ANKRD36: variants seen among roughly 807,000 people sequenced by gnomAD.
ANKRD36 encodes the protein ankyrin repeat domain 36, also known as ankyrin repeat domain-containing protein 36A.
In ANKRD36, 179 loss-of-function variants were observed where a neutral mutation model predicts 278.1. That is an observed-to-expected ratio of 0.64 (90% CI 0.57 to 0.73). The LOEUF (loss-of-function observed/expected upper bound fraction) is 0.73. ANKRD36 is among the 30% of genes least tolerant of loss of function. ANKRD36 has a pLI of 0.00. For missense variants in ANKRD36, 1,159 were observed against 1,956.7 expected (o/e 0.59, Z 7.69); for synonymous variants, 320 against 641.1 (o/e 0.50, Z 7.57).
At chr2:97,197,840 G>C (rs1283157413) in intron 42 of ANKRD36, among the ~76,000 whole-genome samples, 1 of 151,872 alleles carries the variant, frequency 6.6e-6, no homozygotes, top group Non-Finnish European at 1.5e-5. Context: ...GAAGGCTAAA[G>C]TAGTGGATAC....
At chr2:97,229,538 C>T (rs1335490116) in intron 67 of ANKRD36, among the ~76,000 whole-genome samples, 14 of 152,176 alleles carry the variant, frequency 9.2e-5, no homozygotes, top group Admixed American at 3.3e-4. Flanking sequence ...TGTCTCTGCA[C>T]GTGAGATGGG....
chr2:97,173,830 C>G (rs1440724614), intron 22 of ANKRD36, among the ~76,000 whole-genome samples: 1 of 151,416 alleles, frequency 6.6e-6, no homozygotes, highest in South Asian at 2.1e-4. Flanking sequence ...AGAAGTTTTG[C>G]ACATCAGTGA....
chr2:97,197,643 G>A (rs1295035142), intron 42 of ANKRD36, among the ~76,000 whole-genome samples: 1 of 151,906 alleles, frequency 6.6e-6, no homozygotes, highest in South Asian at 2.1e-4. Context: ...ATGCTGCATT[G>A]TAATTAACTC....
Position 97,118,457 on chromosome 2 carries a change from A to G in ANKRD36, c.426A>G (p.Glu142=), listed in dbSNP as rs746634724. The change falls in exon 3 of 76, where the codon GAA becomes GAG. Residue 142 remains glutamate, a synonymous_variant. Coordinates refer to ENST00000420699, the MANE Select transcript of ANKRD36 (RefSeq NM_001354587.1). ...RTALHYAVYN[E]DTSMIEKLLS... Reference sequence around the variant, plus strand: ...CTCTGCACTACGCTGTGTATAATGAAGATACATCCATGATAGAAAAACTTC... The same window carrying G: ...CTCTGCACTACGCTGTGTATAATGAGGATACATCCATGATAGAAAAACTTC... 12 of 1,606,046 alleles carry G rather than the reference A, an allele frequency of 7.5e-6. No homozygotes were observed. Among genetic ancestry groups the G allele is most frequent in the Non-Finnish European group, 9.3e-6 (11 of 1,177,578 alleles).
intron 67 of ANKRD36, among the ~76,000 whole-genome samples, chr2:97,227,777 A>T (rs1188197116): frequency 6.6e-6 from 1 of 152,104 alleles, no homozygotes; most frequent in East Asian, 2.0e-4. Flanking sequence ...TGGGTTTGTC[A>T]TAGATAGCTC....
chr2:97,125,873 AG>A (rs2153420571), intron 5 of ANKRD36, among the ~76,000 whole-genome samples: 1 of 152,002 alleles, frequency 6.6e-6, no homozygotes, highest in South Asian at 2.1e-4. Context: ...ACTTATCAGC[AG>A]TTATATGTAA....
Position 97,179,942 on chromosome 2 carries a change from G to T in ANKRD36, c.1735+9G>T, listed in dbSNP as rs770637777. 6.2e-6 allele frequency: 10 copies of T among 1,604,304 alleles called. No individual in the cohort carries two copies. The South Asian group carries it at 1.1e-4, about 18-fold the overall frequency. On this transcript the variant is annotated intron_variant, in intron 24 of 75. Transcript: ENST00000420699. ...ACCAATATCTGGGACAGGTAATTTTGCAAAACACATCTAATGTCATGTTCA... is the reference window on the plus strand; with the variant it reads ...ACCAATATCTGGGACAGGTAATTTTTCAAAACACATCTAATGTCATGTTCA...
chr2:97,130,767 T>C lies in ANKRD36; in HGVS notation c.799+3633T>C, dbSNP rs1298286198. 2.0e-5 allele frequency among the ~76,000 whole-genome samples: 3 copies of C among 152,104 alleles called. No homozygotes were observed. In the South Asian group the frequency reaches 6.3e-4, roughly 32 times the overall value. ...CCTCTTGTAATATCTCTGCTTTTAC[T>C]GTTTTCTTTTTTAATTTCACCCCTA... On this transcript the variant is annotated intron_variant, in intron 6 of 75. Transcript: ENST00000420699.
intron 67 of ANKRD36, among the ~76,000 whole-genome samples, chr2:97,229,624 T>G (rs2071195856): frequency 6.6e-6 from 1 of 152,112 alleles, no homozygotes; most frequent in Admixed American, 6.5e-5. Context: ...ATTGGAGCAT[T>G]TAGTCCATTT....
intron 6 of ANKRD36, among the ~76,000 whole-genome samples, chr2:97,137,610 G>A (rs573893497): frequency 5.6e-4 from 84 of 150,544 alleles, no homozygotes; most frequent in African/African-American, 1.9e-3. Flanking sequence ...CACACACACC[G>A]AGTATATGCC....
intron 42 of ANKRD36, 124 bp from the exon 43 acceptor site, chr2:97,198,339 G>C (rs1326721052): frequency 4.6e-6 from 7 of 1,527,816 alleles, no homozygotes; most frequent in Non-Finnish European, 5.3e-6. Flanking sequence ...ACACAAAGTA[G>C]AAGCCATCAA....
chr2:97,226,893 C>T (rs1191215035), intron 67 of ANKRD36, among the ~76,000 whole-genome samples: 79 of 151,946 alleles, frequency 5.2e-4, no homozygotes, highest in Non-Finnish European at 5.9e-4. Flanking sequence ...ATCCTTTCCC[C>T]GTTGCTTGTT....
chr2:97,201,436 A>G (rs538694003), intron 46 of ANKRD36, among the ~76,000 whole-genome samples: 1 of 152,066 alleles, frequency 6.6e-6, no homozygotes, highest in East Asian at 1.9e-4. Context: ...TTCTGAATGT[A>G]CAACTTATTA....
rs2153458381 is a variant in ANKRD36, at chr2:97,147,507, A to G, written c.1034+991A>G. Among the ~76,000 whole-genome samples the G allele has an allele frequency of 1.3e-5, 2 of 152,036 alleles. 1 individual carries two copies. The highest frequency in any genetic ancestry group is 4.2e-4 in the South Asian group (2 of 4,794). Reference sequence around the variant, plus strand: ...GAATCCTTGCTTAACATCCTGATCAAGTGGTTGTTCAGGTGGAGAACCTGA... The same window carrying G: ...GAATCCTTGCTTAACATCCTGATCAGGTGGTTGTTCAGGTGGAGAACCTGA... On this transcript the variant is annotated intron_variant, in intron 11 of 75. Coordinates refer to ENST00000420699, the MANE Select transcript of ANKRD36 (RefSeq NM_001354587.1).
intron 1 of ANKRD36, among the ~76,000 whole-genome samples, chr2:97,115,238 G>C (rs1389774778): frequency 6.6e-6 from 1 of 152,020 alleles, no homozygotes; most frequent in Non-Finnish European, 1.5e-5. Context: ...GGAGAAATCT[G>C]GCTAGATTTT....
At chr2:97,200,226 C>G in intron 44 of ANKRD36, 108 bp from the exon 45 acceptor site, 1 of 1,586,432 alleles carries the variant, frequency 6.3e-7, no homozygotes, top group Non-Finnish European at 8.5e-7. Context: ...ATCAAAGCCT[C>G]CACTAATACA....
intron 28 of ANKRD36, 22 bp from the exon 29 acceptor site, chr2:97,185,294 A>T (rs2057156187): frequency 6.3e-7 from 1 of 1,591,882 alleles, no homozygotes; most frequent in Non-Finnish European, 8.6e-7. Flanking sequence ...ATGAGTGATT[A>T]TGTATCCCTT....
chr2:97,181,497 T>C, intron 24 of ANKRD36, 101 bp from the exon 25 acceptor site: 1 of 1,515,904 alleles, frequency 6.6e-7, no homozygotes, highest in Non-Finnish European at 8.8e-7. Context: ...CCTACACTAG[T>C]ACAGGCAGGA....
chr2:97,211,498 T>G (rs2064586037), intron 56 of ANKRD36, 48 bp from the exon 57 acceptor site: 2 of 1,593,862 alleles, frequency 1.3e-6, no homozygotes, highest in Non-Finnish European at 1.7e-6. Flanking sequence ...TATGGATAAC[T>G]TTATCATATT....
Sources: allele counts gnomAD v4.1 joint callset (sites outside exome capture counted in the v4.1 genomes callset), GRCh38; gene constraint gnomAD v4.1.1; transcripts MANE v1.5; gene names NCBI Gene and HGNC (gene_info 2026-07-23, HGNC 2026-07-21).